The following CCDC178 variants were observed in gnomAD, a reference collection of about 807,000 sequenced individuals.
CCDC178 encodes the protein coiled-coil domain-containing protein 178.
Under a neutral mutation model 117.4 loss-of-function variants are expected in CCDC178, and 126 were observed. That is an observed-to-expected ratio of 1.07 (90% confidence interval 0.93 to 1.24). CCDC178 has a LOEUF of 1.24. Ranked by LOEUF, CCDC178 falls within the 50% of genes most tolerant of loss-of-function variation. CCDC178 has a pLI of 0.00. For synonymous variants in CCDC178, 283 were observed against 313.4 expected, an observed-to-expected ratio of 0.90 and a Z score of 1.02; for missense variants, 1,030 against 986.9, an observed-to-expected ratio of 1.04 and a Z score of -0.59.
intron 21 of CCDC178, among the ~76,000 whole-genome samples, chr18:33,015,131 C>T (rs910994512): frequency 6.6e-6 from 1 of 151,738 alleles, no homozygotes; most frequent in Non-Finnish European, 1.5e-5. Context: ...TGGTGGGTGC[C>T]TGTAATCCCA....
At chr18:33,287,138 A>G (rs1313853253) in intron 12 of CCDC178, among the ~76,000 whole-genome samples, 1 of 142,838 alleles carries the variant, frequency 7.0e-6, no homozygotes, top group Middle Eastern at 3.4e-3. Flanking sequence ...TAAAGACTCA[A>G]TTGAAAGCAC....
chr18:33,207,958 A>C (rs1326084071), intron 20 of CCDC178, among the ~76,000 whole-genome samples: 1 of 152,012 alleles, frequency 6.6e-6, no homozygotes, highest in Non-Finnish European at 1.5e-5. Flanking sequence ...TCTCCTGTTA[A>C]GTACTTGTGA....
chr18:33,291,684 A>G (rs941727066), intron 12 of CCDC178, among the ~76,000 whole-genome samples: 8 of 152,158 alleles, frequency 5.3e-5, no homozygotes, highest in Non-Finnish European at 1.0e-4. Flanking sequence ...AGGAAAGATG[A>G]GTCATAATGA....
At chr18:33,095,538 C>T (rs1213884032) in intron 20 of CCDC178, among the ~76,000 whole-genome samples, 1 of 151,900 alleles carries the variant, frequency 6.6e-6, no homozygotes, top group Non-Finnish European at 1.5e-5. Context: ...TCATTTTGTT[C>T]GCCCTAAGAG....
chr18:33,059,584 T>C (rs1407394833), intron 21 of CCDC178, among the ~76,000 whole-genome samples: 3 of 152,170 alleles, frequency 2.0e-5, no homozygotes, highest in African/African-American at 7.2e-5. Flanking sequence ...TTCTTTTATC[T>C]TACTTCTCAC....
intron 21 of CCDC178, among the ~76,000 whole-genome samples, chr18:32,979,115 G>A (rs1284965950): frequency 6.6e-6 from 1 of 151,470 alleles, no homozygotes; most frequent in Non-Finnish European, 1.5e-5. Context: ...GAGGTGATGA[G>A]GGTTTAGGAG....
At chr18:33,218,555 G>C (rs2059195168) in intron 18 of CCDC178, among the ~76,000 whole-genome samples, 1 of 152,110 alleles carries the variant, frequency 6.6e-6, no homozygotes. Context: ...GTATTGCCTA[G>C]GTTTTTTTCT....
At chr18:33,202,628 C>T (rs1053979066) in intron 20 of CCDC178, among the ~76,000 whole-genome samples, 1 of 152,140 alleles carries the variant, frequency 6.6e-6, no homozygotes, top group Admixed American at 6.5e-5. Context: ...AGTGCCTCAT[C>T]ACTTCTCTGA....
At chr18:32,974,803 C>T (rs771954203) in intron 21 of CCDC178, 122 bp from the exon 22 acceptor site, 32 of 880,274 alleles carry the variant, frequency 3.6e-5, no homozygotes, top group Admixed American at 1.9e-4. Flanking sequence ...CTGCACTGCA[C>T]GGACCTGACA....
chr18:33,266,119 G>A (rs2059810650), intron 14 of CCDC178, among the ~76,000 whole-genome samples: 2 of 152,008 alleles, frequency 1.3e-5, no homozygotes, highest in African/African-American at 4.8e-5. Context: ...GATTCCTGCA[G>A]GCTTAGTTAC....
At chr18:33,365,216 A>C (rs2063185687) in intron 6 of CCDC178, among the ~76,000 whole-genome samples, 1 of 152,132 alleles carries the variant, frequency 6.6e-6, no homozygotes. Flanking sequence ...AGTATAAGAA[A>C]CTTAGTAAAG....
intron 21 of CCDC178, among the ~76,000 whole-genome samples, chr18:33,074,003 G>A (rs1468595429): frequency 6.6e-6 from 1 of 151,930 alleles, no homozygotes; most frequent in African/African-American, 2.4e-5. Context: ...TCCCTATATT[G>A]GGAATGAGGC....
chr18:33,134,931 G>C (rs905375548), intron 20 of CCDC178, among the ~76,000 whole-genome samples: 1 of 151,748 alleles, frequency 6.6e-6, no homozygotes, highest in Non-Finnish European at 1.5e-5. Flanking sequence ...TAATTCCTCA[G>C]TTCGTAATTT....
At chr18:33,375,126 T>C (rs996368091) in intron 5 of CCDC178, among the ~76,000 whole-genome samples, 1 of 152,176 alleles carries the variant, frequency 6.6e-6, no homozygotes, top group Non-Finnish European at 1.5e-5. Flanking sequence ...TCCATATATC[T>C]GTTTTATAAA....
intron 21 of CCDC178, among the ~76,000 whole-genome samples, chr18:33,059,753 G>C (rs1161059668): frequency 6.6e-6 from 1 of 152,088 alleles, no homozygotes. Context: ...TCTGCCTCCA[G>C]TCCAAATCTT....
chr18:33,056,688 T>G (rs547640610), intron 21 of CCDC178, among the ~76,000 whole-genome samples: 1 of 152,298 alleles, frequency 6.6e-6, no homozygotes, highest in South Asian at 2.1e-4. Context: ...CATCCTAATT[T>G]GGGGAAAGAA....
chr18:32,959,285 C>T (rs2054657186), intron 22 of CCDC178, among the ~76,000 whole-genome samples: 1 of 152,088 alleles, frequency 6.6e-6, no homozygotes, highest in East Asian at 1.9e-4. Context: ...CAGTTTCTTA[C>T]ATGAATGAAA....
In CCDC178 at chr18:33,243,809, A is replaced by T. The variant is rs76456275; in HGVS notation, c.1593+1436T>A. 4.9e-3 allele frequency among the ~76,000 whole-genome samples: 740 copies of T among 152,076 alleles called. 5 individuals are homozygous for T. The highest frequency in any genetic ancestry group is 0.017 in the African/African-American group (708 of 41,550). ...ACAAAGGTTTCGAGTCAATTAGAAA[A>T]ATTGAAATACACAGTTAAGTGGCCA... On this transcript the variant is annotated intron_variant, in intron 15 of 22. Transcript: ENST00000383096.
chr18:33,018,359 G>A (rs1161266275), intron 21 of CCDC178, among the ~76,000 whole-genome samples: 1 of 152,012 alleles, frequency 6.6e-6, no homozygotes, highest in Non-Finnish European at 1.5e-5. Flanking sequence ...CATTCTGGCA[G>A]CTCCTCAAAA....
Sources: gnomAD v4.1 joint callset for allele counts (sites outside exome capture counted in the v4.1 genomes callset) on GRCh38, gnomAD v4.1.1 for gene constraint, MANE v1.5 for transcripts, NCBI Gene and HGNC (gene_info 2026-07-23, HGNC 2026-07-21) for gene names.